FAT3: variants seen among roughly 807,000 people sequenced by gnomAD.
The protein encoded by FAT3 is protocadherin Fat 3.
A neutral mutation model predicts 310.2 loss-of-function variants in FAT3; 95 were observed. That is an observed-to-expected ratio of 0.31 (90% CI 0.26 to 0.36). FAT3 has a LOEUF of 0.36. Among genes scored for constraint, FAT3 ranks in the 10% least tolerant of loss-of-function variants. The pLI is 1.00. For missense variants in FAT3, 5,408 were observed against 5,715.6 expected (o/e 0.95, Z 1.74); for synonymous variants, 2,314 against 2,192.9 (o/e 1.06, Z -1.54).
At chr11:92,755,463 A>T (rs1341305926) in intron 4 of FAT3, among the ~76,000 whole-genome samples, 1 of 152,160 alleles carries the variant, frequency 6.6e-6, no homozygotes, top group African/African-American at 2.4e-5. Flanking sequence ...ACCTCTGGTG[A>T]TCCACCTGCC....
Position 92,379,615 on chromosome 11 carries a change from C to T in FAT3, c.3292+24211C>T, listed in dbSNP as rs545262340. ...CAATTCATTTTCTGACAGCTGGAGG[C>T]TCTTATGAACAAGTGAGACCAATAT... is the stretch of plus-strand genomic sequence containing the variant. On this transcript the variant is annotated intron_variant, in intron 2 of 27. Transcript: ENST00000525166. 2.0e-5 allele frequency among the ~76,000 whole-genome samples: 3 copies of T among 152,272 alleles called. No individual in the cohort carries two copies. In the South Asian group the frequency reaches 6.2e-4, roughly 32 times the overall value.
intron 21 of FAT3, among the ~76,000 whole-genome samples, chr11:92,862,461 G>C (rs918743239): frequency 6.6e-6 from 1 of 152,192 alleles, no homozygotes; most frequent in African/African-American, 2.4e-5. Context: ...AAAGCACAAG[G>C]AGAATATGGT....
rs375274754 is a variant in FAT3, at chr11:92,788,059, C to T, written c.4336-1884C>T. ...CAGTAGCAATAAGTATTCCTAGCAG[C>T]GGATCATGGTCTCTAAATTCTAACT... On this transcript the variant is annotated intron_variant, in intron 7 of 27. Coordinates refer to ENST00000525166, the MANE Select transcript of FAT3 (RefSeq NM_001367949.2). Among the ~76,000 whole-genome samples the T allele has an allele frequency of 1.6e-4, 24 of 152,114 alleles. No individual in the cohort carries two copies. In the Middle Eastern group the frequency reaches 0.01, roughly 65 times the overall value.
intron 2 of FAT3, among the ~76,000 whole-genome samples, chr11:92,480,633 A>G (rs891200068): frequency 8.5e-5 from 13 of 152,322 alleles, no homozygotes; most frequent in South Asian, 2.1e-4. Context: ...GCAGCATTCT[A>G]TGATGCATGT....
chr11:92,727,323 G>A (rs1945029321), intron 4 of FAT3, among the ~76,000 whole-genome samples: 1 of 152,060 alleles, frequency 6.6e-6, no homozygotes, highest in Non-Finnish European at 1.5e-5. Flanking sequence ...AGGAGACTGA[G>A]TATACATGGT....
chr11:92,501,566 A>C (rs567288759), intron 2 of FAT3, among the ~76,000 whole-genome samples: 1 of 152,018 alleles, frequency 6.6e-6, no homozygotes, highest in African/African-American at 2.4e-5. Flanking sequence ...GAATTTCAAC[A>C]GTCATTTGTG....
chr11:92,439,010 A>G lies in FAT3; in HGVS notation c.3292+83606A>G, dbSNP rs145868721. On this transcript the variant is annotated intron_variant, in intron 2 of 27. Coordinates refer to ENST00000525166, the MANE Select transcript of FAT3 (RefSeq NM_001367949.2). Reference sequence around the variant, plus strand: ...GTGACACAGATCTGGTTAAGGTTACATGTGTGAGGAAAACATACAGGCAGA... The same window carrying G: ...GTGACACAGATCTGGTTAAGGTTACGTGTGTGAGGAAAACATACAGGCAGA... Among the ~76,000 whole-genome samples the G allele has an allele frequency of 3.6e-3, 545 of 152,346 alleles. 3 individuals carry two copies. The highest frequency in any genetic ancestry group is 0.016 in the South Asian group (75 of 4,828).
intron 4 of FAT3, among the ~76,000 whole-genome samples, chr11:92,750,689 C>T (rs1315675639): frequency 6.6e-6 from 1 of 152,012 alleles, no homozygotes; most frequent in Non-Finnish European, 1.5e-5. Flanking sequence ...AGATAAACAA[C>T]TTAATACTGG....
At chr11:92,537,553 A>T (rs1156928328) in intron 3 of FAT3, among the ~76,000 whole-genome samples, 1 of 152,044 alleles carries the variant, frequency 6.6e-6, no homozygotes, top group African/African-American at 2.4e-5. Flanking sequence ...TCTTCCAGGA[A>T]TTTATTATTG....
At chr11:92,319,506 C>T (rs984708153) in intron 1 of FAT3, among the ~76,000 whole-genome samples, 1 of 152,184 alleles carries the variant, frequency 6.6e-6, no homozygotes, top group African/African-American at 2.4e-5. Flanking sequence ...ACTTTAATCT[C>T]TCTGTGTGTT....
At chr11:92,699,244 A>G (rs1270691443) in intron 4 of FAT3, among the ~76,000 whole-genome samples, 1 of 152,190 alleles carries the variant, frequency 6.6e-6, no homozygotes, top group African/African-American at 2.4e-5. Context: ...AATTAGTACA[A>G]ACATATGGTG....
intron 1 of FAT3, among the ~76,000 whole-genome samples, chr11:92,310,259 A>G (rs953755667): frequency 6.6e-6 from 1 of 152,210 alleles, no homozygotes; most frequent in African/African-American, 2.4e-5. Flanking sequence ...AGTGCATTTT[A>G]TTTAGTAATC....
Position 92,801,289 on chromosome 11 carries a change from A to T in FAT3, c.8276A>T (p.Glu2759Val). 1 of 1,613,966 alleles carries T rather than the reference A, an allele frequency of 6.2e-7. No individual in the cohort carries two copies. Among genetic ancestry groups the T allele is most frequent in the Non-Finnish European group, 8.5e-7 (1 of 1,179,870 alleles). ...ENNKGGIFVI[E>V]QETGTIKLDK... is the part of the protein sequence containing the mutation. ...AACAAAGGGGGCATATTCGTCATAG[A>T]ACAGGAAACAGGCACTATTAAGCTT... is the stretch of plus-strand genomic sequence containing the variant. Residue 2759 changes from glutamate (E) to valine (V), a missense_variant, in exon 10 of 28, where the codon GAA becomes GTA. By Grantham distance (121) the Glu-to-Val change is moderately radical. Transcript: ENST00000525166.
intron 1 of FAT3, among the ~76,000 whole-genome samples, chr11:92,247,798 C>A (rs1864982251): frequency 6.6e-6 from 1 of 151,160 alleles, no homozygotes; most frequent in South Asian, 2.1e-4. Context: ...GAACTAGATC[C>A]CTTTCCATTA....
chr11:92,315,508 T>G (rs910251972), intron 1 of FAT3, among the ~76,000 whole-genome samples: 4,550 of 82,824 alleles, frequency 0.055, 205 homozygotes, highest in African/African-American at 0.17. Flanking sequence ...TATATATATA[T>G]ATATAGAGAG....
At chr11:92,314,244 G>A (rs887451482) in intron 1 of FAT3, 3 of 962,088 alleles carry the variant, frequency 3.1e-6, no homozygotes, top group African/African-American at 1.8e-5. Flanking sequence ...AATAATTAAG[G>A]TCATTGGATC....
At chr11:92,872,993 G>A (rs891751426) in intron 22 of FAT3, among the ~76,000 whole-genome samples, 3 of 152,096 alleles carry the variant, frequency 2.0e-5, no homozygotes, top group Non-Finnish European at 4.4e-5. Flanking sequence ...CCAGTCTTCA[G>A]CCTAAACATC....
Position 92,809,844 on chromosome 11 carries a change from C to T in FAT3, c.9249C>T (p.Gly3083=), listed in dbSNP as rs758619349. The stretch of plus-strand genomic sequence containing the variant: ...TCATGCTGCCATTTATTTTCACAGG[C>T]GAGTTAAAAACCTTGGCTCTGTTGG... ...NSEFFLDPES[G]ELKTLALLDR... The change falls in exon 13 of 28, where the codon GGC becomes GGT. Residue 3083 remains glycine, a splice_region_variant and synonymous_variant. Transcript: ENST00000525166. 9.3e-6 allele frequency: 15 copies of T among 1,608,554 alleles called. No homozygotes were observed. Among genetic ancestry groups the T allele is most frequent in the Admixed American group, 6.7e-5 (4 of 59,804 alleles).
intron 3 of FAT3, among the ~76,000 whole-genome samples, chr11:92,659,295 T>C (rs998974793): frequency 2.0e-5 from 3 of 152,188 alleles, no homozygotes; most frequent in African/African-American, 7.2e-5. Flanking sequence ...TTTCTGTTAT[T>C]CATTCCTACT....
Sources: gnomAD v4.1 joint callset for allele counts (sites outside exome capture counted in the v4.1 genomes callset) on GRCh38, gnomAD v4.1.1 for gene constraint, MANE v1.5 for transcripts, NCBI Gene and HGNC (gene_info 2026-07-23, HGNC 2026-07-21) for gene names.